Variants in SDR42E2 observed in about 807,000 individuals in gnomAD.
SDR42E2 encodes the protein short chain dehydrogenase/reductase family 42E, member 2.
SDR42E2 carries 20 observed loss-of-function variants against 10.5 expected under a neutral mutation model. The ratio of observed to expected loss-of-function variants is 1.90; its 90% CI spans 1.34 to 2.77. SDR42E2 has a LOEUF of 2.77. SDR42E2 is among the 30% of genes most tolerant of loss of function. The pLI, the probability that SDR42E2 is intolerant of heterozygous loss-of-function variation, is 0.00. For missense variants in SDR42E2, 162 were observed against 104.2 expected, an observed-to-expected ratio of 1.55 and a Z score of -2.42; for synonymous variants, 72 against 39.2, an observed-to-expected ratio of 1.84 and a Z score of -3.12.
chr16:22,176,157 C>T lies in SDR42E2; in HGVS notation c.590-1973C>T, dbSNP rs141410614. ...TCTTTGGGACAGGGTCTCGCTCTGT[C>T]GCCCAGGCTGAAGTGTAGTGGCGCT... is the stretch of plus-strand genomic sequence containing the variant. On this transcript the variant is annotated intron_variant, in intron 7 of 12. Coordinates refer to ENST00000602312, the MANE Select transcript of SDR42E2 (RefSeq NM_001394319.2). Among the ~76,000 whole-genome samples, 567 of 152,142 alleles carry T rather than the reference C, an allele frequency of 3.7e-3. 3 individuals are homozygous for T. The highest frequency in any genetic ancestry group is 0.014 in the Middle Eastern group (4 of 294).
chr16:22,164,452 G>A (rs2142055665), intron 1 of SDR42E2, among the ~76,000 whole-genome samples: 1 of 152,306 alleles, frequency 6.6e-6, no homozygotes, highest in African/African-American at 2.4e-5. Flanking sequence ...CCAGCTGCTT[G>A]TGGGGCTAAG....
intron 5 of SDR42E2, 80 bp downstream of exon 5, chr16:22,169,582 G>T (rs554354241): frequency 5.7e-6 from 4 of 702,242 alleles, no homozygotes; most frequent in Middle Eastern, 2.4e-4. Flanking sequence ...GGCTCCCAGG[G>T]TGTAGGGTCA....
Position 22,169,948 on chromosome 16 carries a change from C to A in SDR42E2, c.394+446C>A, listed in dbSNP as rs8055412. 1.9e-3 allele frequency among the ~76,000 whole-genome samples: 295 copies of A among 152,154 alleles called. 2 individuals carry two copies. The highest frequency in any genetic ancestry group is 6.7e-3 in the African/African-American group (280 of 41,500). Reference sequence around the variant, plus strand: ...CTAGGAGGCTGAGGCAGGAGAATCGCTTGAATCTGAGAGGCAGAGGTTGCA... The same window carrying A: ...CTAGGAGGCTGAGGCAGGAGAATCGATTGAATCTGAGAGGCAGAGGTTGCA... On this transcript the variant is annotated intron_variant, in intron 5 of 12. Transcript: ENST00000602312.
At position 22,172,281 on chromosome 16, in the gene SDR42E2, A is replaced by G; in HGVS notation, c.539A>G (p.Lys180Arg). The G allele has an allele frequency of 1.4e-6, 1 of 703,138 alleles. No homozygotes were observed. The highest frequency in any genetic ancestry group is 2.6e-6 in the Non-Finnish European group (1 of 384,980). 43.6% of individuals were successfully genotyped at this position (703,138 alleles called of 1,614,324 possible). Residue 180 changes from lysine to arginine, a missense_variant, in exon 7 of 13, where the codon AAA becomes AGA. Coordinates refer to ENST00000602312, the MANE Select transcript of SDR42E2 (RefSeq NM_001394319.2). Reference protein sequence around the residue: ...DEHVDHYSRTKAIADQLTLMA... With the variant: ...DEHVDHYSRTRAIADQLTLMA... The stretch of plus-strand genomic sequence containing the variant: ...CACGTAGACCACTACTCCCGAACCA[A>G]AGCCATCGCCGACCAATTGACCCTC...
chr16:22,180,210 G>A (rs1017925142), intron 8 of SDR42E2, among the ~76,000 whole-genome samples: 12 of 152,250 alleles, frequency 7.9e-5, no homozygotes, highest in East Asian at 7.7e-4. Context: ...GTTCTGAGCC[G>A]TGGAACAACA....
intron 1 of SDR42E2, 40 bp from the exon 2 acceptor site, chr16:22,165,507 C>T (rs564749681): frequency 7.5e-6 from 3 of 400,640 alleles, no homozygotes; most frequent in South Asian, 1.3e-4. Flanking sequence ...TGACTTGAAA[C>T]GATTCTAGAG....
At chr16:22,182,990 A>G (rs1420404040) in intron 10 of SDR42E2, among the ~76,000 whole-genome samples, 2 of 152,036 alleles carry the variant, frequency 1.3e-5, no homozygotes, top group African/African-American at 2.4e-5. Flanking sequence ...GGGTAACAGA[A>G]TAAGACCCTA....
chr16:22,166,281 A>G lies in SDR42E2; in HGVS notation c.87A>G (p.Thr29=). Residue 29 remains threonine (T), a synonymous_variant, in exon 3 of 13, where the codon ACA becomes ACG. Transcript: ENST00000602312. ...APQQKTQAKP[T]KAARQKVLVT... is the part of the protein sequence containing the mutation. ...AGCAGAAGACTCAAGCCAAACCTAC[A>G]AAGGCTGCCAGGCAGAAGGTTCTAG... The G allele has an allele frequency of 1.2e-5, 5 of 402,388 alleles. No individual in the cohort carries two copies. Among genetic ancestry groups the G allele is most frequent in the Non-Finnish European group, 2.2e-5 (5 of 227,058 alleles). 24.9% of individuals were successfully genotyped at this position (402,388 alleles called of 1,614,324 possible). A position where few individuals can be genotyped will look rare whatever the true frequency, so the allele number is the denominator to read the frequency against.
intron 4 of SDR42E2, among the ~76,000 whole-genome samples, chr16:22,168,595 G>T (rs2046566373): frequency 6.6e-6 from 1 of 151,984 alleles, no homozygotes; most frequent in South Asian, 2.1e-4. Flanking sequence ...AATATAGGCT[G>T]GAAGCAGTGG....
At chr16:22,163,775 T>A (rs1265194322) in intron 1 of SDR42E2, among the ~76,000 whole-genome samples, 3 of 151,938 alleles carry the variant, frequency 2.0e-5, no homozygotes, top group Non-Finnish European at 2.9e-5. Context: ...CACCCAGACA[T>A]TTGGTGAGCA....
chr16:22,166,844 G>A (rs2046544735), intron 3 of SDR42E2, 60 bp from the exon 4 acceptor site: 2 of 558,268 alleles, frequency 3.6e-6, no homozygotes, highest in South Asian at 2.3e-5. Flanking sequence ...AGGTGCAGAG[G>A]TGTTATCTCT....
intron 3 of SDR42E2, 86 bp downstream of exon 3, chr16:22,166,520 T>C (rs557318767): frequency 2.5e-6 from 1 of 402,608 alleles, no homozygotes; most frequent in Non-Finnish European, 4.4e-6. Flanking sequence ...GTGTGGAGTT[T>C]AGGGGCACAC....
At chr16:22,170,145 G>A (rs936929892) in intron 5 of SDR42E2, among the ~76,000 whole-genome samples, 2 of 152,046 alleles carry the variant, frequency 1.3e-5, no homozygotes, top group Admixed American at 6.6e-5. Context: ...ACCTGAGGTC[G>A]GGAGTTCGGG....
chr16:22,164,064 T>TGGGGGGG (rs2046516614), intron 1 of SDR42E2, among the ~76,000 whole-genome samples: 1 of 28,230 alleles, frequency 3.5e-5, no homozygotes, highest in Non-Finnish European at 7.5e-5. Flanking sequence ...GAGAGGGAGG[T>TGGGGGGG]CGGGAGGGGG....
In SDR42E2 at chr16:22,190,526, G is replaced by C; in HGVS notation, c.*133G>C. On this transcript the variant is annotated 3_prime_UTR_variant, in exon 13 of 13. Transcript: ENST00000602312. ...CCTCCGCTCCGCCCCTTGAATCCTG[G>C]TCACGCCCCCGAGCCGCTCTCCAGA... 2.5e-6 allele frequency: 1 copy of C among 399,016 alleles called. No homozygotes were observed. Among genetic ancestry groups the C allele is most frequent in the East Asian group, 3.6e-5 (1 of 28,070 alleles). The allele number at this position is 399,016 out of a possible 1,614,324, so 24.7% of individuals were successfully genotyped here. A position where few individuals can be genotyped will look rare whatever the true frequency, so the allele number is the denominator to read the frequency against.
In SDR42E2 at chr16:22,170,058, AAAAT is replaced by A. The variant is rs199513208; in HGVS notation, c.394+567_394+570del. ...AAAATAAATAAATAAATAAAATTTA[AAAAT>A]AAATAAATAAGTCTGGGCGAGGTGG... On this transcript the variant is annotated intron_variant, in intron 5 of 12. Transcript: ENST00000602312. Among the ~76,000 whole-genome samples, 1,135 of 151,708 alleles carry A rather than the reference AAAAT, an allele frequency of 7.5e-3. 2 individuals carry two copies. Among genetic ancestry groups the A allele is most frequent in the Non-Finnish European group, 0.012 (828 of 67,916 alleles).
chr16:22,178,300 T>TG, intron 8 of SDR42E2, 88 bp downstream of exon 8: 1 of 647,678 alleles, frequency 1.5e-6, no homozygotes, highest in Non-Finnish European at 2.8e-6. Context: ...CCCTGGTCGC[T>TG]GCATCAGTCT....
intron 7 of SDR42E2, 83 bp downstream of exon 7, chr16:22,172,414 CAT>C (rs1192778823): frequency 1.0e-5 from 7 of 698,600 alleles, no homozygotes; most frequent in African/African-American, 7.0e-5. Context: ...TTCATGCTAA[CAT>C]GTGTCTGAGG....
chr16:22,176,788 G>T (rs2046648188), intron 7 of SDR42E2, among the ~76,000 whole-genome samples: 1 of 152,304 alleles, frequency 6.6e-6, no homozygotes, highest in Non-Finnish European at 1.5e-5. Flanking sequence ...TGTAACCCCA[G>T]ACCGCCCCAG....
Sources: allele counts gnomAD v4.1 joint callset (sites outside exome capture counted in the v4.1 genomes callset), GRCh38; gene constraint gnomAD v4.1.1; transcripts MANE v1.5; gene names NCBI Gene and HGNC (gene_info 2026-07-23, HGNC 2026-07-21).